The following SEMA5A variants were observed in gnomAD, a reference collection of about 807,000 sequenced individuals.
SEMA5A encodes semaphorin-5A.
Under a neutral mutation model 135.5 loss-of-function variants are expected in SEMA5A, and 55 were observed. That is an observed-to-expected ratio of 0.41 (90% CI 0.33 to 0.51). SEMA5A has a LOEUF of 0.51. Ranked by LOEUF, SEMA5A falls within the 20% of genes least tolerant of loss-of-function variation. SEMA5A has a pLI of 0.37. For missense variants in SEMA5A, 1,290 were observed against 1,419.9 expected, an observed-to-expected ratio of 0.91 and a Z score of 1.47; for synonymous variants, 580 against 546.5, an observed-to-expected ratio of 1.06 and a Z score of -0.85.
chr5:9,115,156 G>A (rs1345475280), intron 15 of SEMA5A, among the ~76,000 whole-genome samples: 3 of 152,124 alleles, frequency 2.0e-5, no homozygotes, highest in Non-Finnish European at 4.4e-5. Context: ...TTTCCACAAT[G>A]ATACCAGCAG....
At chr5:9,208,534 G>A (rs1346396220) in intron 8 of SEMA5A, among the ~76,000 whole-genome samples, 2 of 152,170 alleles carry the variant, frequency 1.3e-5, no homozygotes, top group Non-Finnish European at 2.9e-5. Context: ...GAGAAACAGA[G>A]GATCAGAAAG....
intron 5 of SEMA5A, among the ~76,000 whole-genome samples, chr5:9,270,637 A>G (rs1749924882): frequency 6.6e-6 from 1 of 151,926 alleles, no homozygotes; most frequent in Non-Finnish European, 1.5e-5. Context: ...AACTGACTAG[A>G]GATGCTTCCA....
chr5:9,525,305 C>T (rs1737064064), intron 1 of SEMA5A, among the ~76,000 whole-genome samples: 1 of 152,202 alleles, frequency 6.6e-6, no homozygotes, highest in African/African-American at 2.4e-5. Flanking sequence ...GAAAACTTTG[C>T]TGATCCCTGA....
chr5:9,288,579 G>A (rs1339690900), intron 5 of SEMA5A, among the ~76,000 whole-genome samples: 1 of 152,292 alleles, frequency 6.6e-6, no homozygotes, highest in South Asian at 2.1e-4. Flanking sequence ...ACTTTCTTTC[G>A]AAGATGATAA....
intron 5 of SEMA5A, among the ~76,000 whole-genome samples, chr5:9,275,856 C>A (rs1750233891): frequency 6.6e-6 from 1 of 152,172 alleles, no homozygotes; most frequent in African/African-American, 2.4e-5. Flanking sequence ...CTATTTATGA[C>A]AAACCCACAG....
intron 1 of SEMA5A, among the ~76,000 whole-genome samples, chr5:9,496,853 T>A (rs1248108760): frequency 6.6e-6 from 1 of 152,192 alleles, no homozygotes; most frequent in Non-Finnish European, 1.5e-5. Flanking sequence ...TCTATGAGGA[T>A]CTTTTTAAAG....
In SEMA5A at chr5:9,303,119, A is replaced by T. The variant is rs981300814; in HGVS notation, c.270+15253T>A. ...ACATACACACACATATATATATATAATTTTTTTTTTTTTTTGAGACAGAGT... is the reference window on the plus strand; with the variant it reads ...ACATACACACACATATATATATATATTTTTTTTTTTTTTTTGAGACAGAGT... On this transcript the variant is annotated intron_variant, in intron 5 of 22. Coordinates refer to ENST00000382496, the MANE Select transcript of SEMA5A (RefSeq NM_003966.3). Among the ~76,000 whole-genome samples the T allele has an allele frequency of 4.8e-3, 683 of 142,860 alleles. 4 individuals carry two copies. The highest frequency in any genetic ancestry group is 0.017 in the African/African-American group (651 of 39,062). 93.7% of individuals were successfully genotyped at this position (142,860 alleles called of 152,430 possible).
In SEMA5A at chr5:9,197,007, T is replaced by C. The variant is rs530145223; in HGVS notation, c.1068+161A>G. ...ACAGTTCACAAAAGGCCTTGGTCTATTGACATTAGCCAGCAGAGTATGGGG... is the reference window on the plus strand; with the variant it reads ...ACAGTTCACAAAAGGCCTTGGTCTACTGACATTAGCCAGCAGAGTATGGGG... On this transcript the variant is annotated intron_variant, in intron 10 of 22. Coordinates refer to ENST00000382496, the MANE Select transcript of SEMA5A (RefSeq NM_003966.3). Among the ~76,000 whole-genome samples the C allele has an allele frequency of 4.6e-5, 7 of 152,324 alleles. No individual in the cohort carries two copies. The East Asian group carries it at 7.7e-4, about 17-fold the overall frequency.
intron 1 of SEMA5A, among the ~76,000 whole-genome samples, chr5:9,542,916 A>T (rs922091918): frequency 3.9e-5 from 6 of 152,206 alleles, no homozygotes; most frequent in African/African-American, 1.4e-4. Context: ...ATGCCTTTAT[A>T]CTCTTGGCTG....
At chr5:9,224,572 G>T in intron 8 of SEMA5A, 102 bp downstream of exon 8, 2 of 1,005,914 alleles carry the variant, frequency 2.0e-6, no homozygotes, top group Non-Finnish European at 3.0e-6. Context: ...AGAAGATGAA[G>T]AATTCATTTT....
intron 2 of SEMA5A, among the ~76,000 whole-genome samples, chr5:9,401,744 A>T (rs949767806): frequency 3.3e-5 from 5 of 152,182 alleles, no homozygotes; most frequent in Non-Finnish European, 7.4e-5. Flanking sequence ...TTTGTCCTAT[A>T]GGAGTTTTCC....
At chr5:9,332,444 T>C (rs1753189536) in intron 4 of SEMA5A, among the ~76,000 whole-genome samples, 1 of 151,414 alleles carries the variant, frequency 6.6e-6, no homozygotes, top group African/African-American at 2.4e-5. Flanking sequence ...GTACTCACAT[T>C]GGGTCAGGTG....
chr5:9,046,468 C>A lies in SEMA5A; in HGVS notation c.2894-1884G>T, dbSNP rs147496114. Reference sequence around the variant, plus strand: ...TGGAAGGGATTCCACCCTGCCAATGCGGACCCACGGGGCTCTAATACTTGG... The same window carrying A: ...TGGAAGGGATTCCACCCTGCCAATGAGGACCCACGGGGCTCTAATACTTGG... On this transcript the variant is annotated intron_variant, in intron 21 of 22. Coordinates refer to ENST00000382496, the MANE Select transcript of SEMA5A (RefSeq NM_003966.3). 2.4e-3 allele frequency among the ~76,000 whole-genome samples: 360 copies of A among 152,312 alleles called. 1 individual carries two copies. The highest frequency in any genetic ancestry group is 0.01 in the Middle Eastern group (3 of 294).
chr5:9,274,999 G>A (rs923981822), intron 5 of SEMA5A, among the ~76,000 whole-genome samples: 2 of 93,608 alleles, frequency 2.1e-5, no homozygotes, highest in African/African-American at 4.3e-5. Context: ...AGCTGAAGGA[G>A]ACAGACACAT....
At chr5:9,486,009 T>TG (rs1272035154) in intron 1 of SEMA5A, among the ~76,000 whole-genome samples, 2 of 152,120 alleles carry the variant, frequency 1.3e-5, no homozygotes, top group Non-Finnish European at 2.9e-5. Flanking sequence ...TAAAACTCCT[T>TG]GGGGACCAAC....
At chr5:9,412,151 AG>A (rs1757121660) in intron 2 of SEMA5A, among the ~76,000 whole-genome samples, 1 of 152,066 alleles carries the variant, frequency 6.6e-6, no homozygotes, top group Non-Finnish European at 1.5e-5. Context: ...ATCCATGCAA[AG>A]TGTTCCCCGA....
rs187699750 is a variant in SEMA5A at position 9,390,498 on chromosome 5, C to T, written c.-77-10475G>A. 8.5e-3 allele frequency among the ~76,000 whole-genome samples: 1,294 copies of T among 152,260 alleles called. 11 individuals carry two copies. The highest frequency in any genetic ancestry group is 0.011 in the Non-Finnish European group (765 of 68,014). Reference sequence around the variant, plus strand: ...CTTAAAATATTATCAGATAAATTTACAGTAAATAGACTGCTAATAAACTTA... The same window carrying T: ...CTTAAAATATTATCAGATAAATTTATAGTAAATAGACTGCTAATAAACTTA... On this transcript the variant is annotated intron_variant, in intron 2 of 22. Coordinates refer to ENST00000382496, the MANE Select transcript of SEMA5A (RefSeq NM_003966.3).
chr5:9,345,626 T>C (rs189812000), intron 3 of SEMA5A, among the ~76,000 whole-genome samples: 1 of 152,070 alleles, frequency 6.6e-6, no homozygotes, highest in African/African-American at 2.4e-5. Context: ...ATTATATGTA[T>C]CTATAGTTAT....
At chr5:9,082,619 T>C (rs1350541733) in intron 16 of SEMA5A, among the ~76,000 whole-genome samples, 1 of 152,188 alleles carries the variant, frequency 6.6e-6, no homozygotes, top group Non-Finnish European at 1.5e-5. Flanking sequence ...TAAAATGGGA[T>C]AGAAAGAAAG....
Sources: gnomAD v4.1 joint callset for allele counts (sites outside exome capture counted in the v4.1 genomes callset) on GRCh38, gnomAD v4.1.1 for gene constraint, MANE v1.5 for transcripts, NCBI Gene and HGNC (gene_info 2026-07-23, HGNC 2026-07-21) for gene names.